The following PPP3CA variants were observed in gnomAD, a reference collection of about 807,000 sequenced individuals.
PPP3CA encodes the protein CAM-PRP catalytic subunit.
In PPP3CA, 14 loss-of-function variants were observed where a neutral mutation model predicts 66.5. The ratio of observed to expected loss-of-function variants is 0.21; its 90% CI spans 0.14 to 0.33. The LOEUF (loss-of-function observed/expected upper bound fraction) is 0.33, where lower values mean the gene tolerates loss of function less well. Ranked by LOEUF, PPP3CA falls within the 10% of genes least tolerant of loss-of-function variation. The pLI is 1.00. For missense variants in PPP3CA, 317 were observed against 639.5 expected (o/e 0.50, Z 5.44); for synonymous variants, 232 against 226.2 (o/e 1.03, Z -0.23).
intron 2 of PPP3CA, among the ~76,000 whole-genome samples, chr4:101,126,157 A>G (rs758270358): frequency 2.0e-5 from 3 of 152,244 alleles, no homozygotes; most frequent in Non-Finnish European, 4.4e-5. Flanking sequence ...TTACAATGTA[A>G]AAATTGTGAA....
rs184623525 is a variant in PPP3CA, at chr4:101,235,870, C to T, written c.59-39754G>A. Among the ~76,000 whole-genome samples, 29 of 151,800 alleles carry T rather than the reference C, an allele frequency of 1.9e-4. No individual in the cohort carries two copies. In the East Asian group the frequency reaches 5.7e-3, roughly 30 times the overall value. ...CTGTATAAGGGCCCATATGACTTTCCAATAAAATGAACAATTCTTTCTGTA... is the reference window on the plus strand; with the variant it reads ...CTGTATAAGGGCCCATATGACTTTCTAATAAAATGAACAATTCTTTCTGTA... On this transcript the variant is annotated intron_variant, in intron 1 of 13. Transcript: ENST00000394854.
At chr4:101,232,536 T>C (rs905976746) in intron 1 of PPP3CA, among the ~76,000 whole-genome samples, 1 of 151,800 alleles carries the variant, frequency 6.6e-6, no homozygotes, top group Non-Finnish European at 1.5e-5. Flanking sequence ...TGGAAGGCCT[T>C]GAACCTGACC....
intron 1 of PPP3CA, among the ~76,000 whole-genome samples, chr4:101,215,889 T>C (rs1471568246): frequency 1.3e-5 from 2 of 152,104 alleles, no homozygotes; most frequent in Non-Finnish European, 1.5e-5. Context: ...TTAGAAACAA[T>C]GTGATCAGTT....
chr4:101,141,798 GT>G (rs1161631642), intron 2 of PPP3CA, among the ~76,000 whole-genome samples: 1 of 152,150 alleles, frequency 6.6e-6, no homozygotes, highest in Non-Finnish European at 1.5e-5. Flanking sequence ...AACGGAGACT[GT>G]TCACTCCTGC....
Position 101,094,015 on chromosome 4 carries a change from C to T in PPP3CA, c.643-100G>A, listed in dbSNP as rs1578440117. On this transcript the variant is annotated intron_variant, in intron 5 of 13. Transcript: ENST00000394854. ...CACTGTGCAGAACCCATCCTCTTCTCCCCAGCTACAGCTCAGGGTGAAATG... is the reference window on the plus strand; with the variant it reads ...CACTGTGCAGAACCCATCCTCTTCTTCCCAGCTACAGCTCAGGGTGAAATG... 3 of 1,107,432 alleles carry T rather than the reference C, an allele frequency of 2.7e-6. No homozygotes were observed. The East Asian group carries it at 8.4e-5, about 31-fold the overall frequency. The allele number at this position is 1,107,432 out of a possible 1,614,324, so 68.6% of individuals were successfully genotyped here.
chr4:101,278,839 GC>G (rs1727593672), intron 1 of PPP3CA, among the ~76,000 whole-genome samples: 1 of 151,922 alleles, frequency 6.6e-6, no homozygotes, highest in Non-Finnish European at 1.5e-5. Context: ...TGGACATCTG[GC>G]CCCCTTTGTG....
At chr4:101,213,769 G>A (rs919484246) in intron 1 of PPP3CA, among the ~76,000 whole-genome samples, 2 of 152,048 alleles carry the variant, frequency 1.3e-5, no homozygotes, top group African/African-American at 2.4e-5. Context: ...GCAGAGCCAC[G>A]ACATAATCCG....
At chr4:101,144,066 A>C (rs1249673745) in intron 2 of PPP3CA, among the ~76,000 whole-genome samples, 1 of 152,100 alleles carries the variant, frequency 6.6e-6, no homozygotes, top group Non-Finnish European at 1.5e-5. Flanking sequence ...TATTTATTAA[A>C]ATCCTATCAT....
At chr4:101,171,709 A>G (rs2110315820) in intron 2 of PPP3CA, among the ~76,000 whole-genome samples, 1 of 152,276 alleles carries the variant, frequency 6.6e-6, no homozygotes, top group East Asian at 1.9e-4. Context: ...TATTCTCACC[A>G]TTCATTAATT....
intron 10 of PPP3CA, among the ~76,000 whole-genome samples, chr4:101,054,524 C>T (rs1299940374): frequency 6.6e-6 from 1 of 151,872 alleles, no homozygotes; most frequent in African/African-American, 2.4e-5. Context: ...CAAATAAATA[C>T]AGTTTTGGTA....
At chr4:101,242,797 A>T (rs1726354347) in intron 1 of PPP3CA, among the ~76,000 whole-genome samples, 1 of 152,140 alleles carries the variant, frequency 6.6e-6, no homozygotes, top group Non-Finnish European at 1.5e-5. Flanking sequence ...GCATGGTGGC[A>T]TATGCCTATA....
intron 1 of PPP3CA, among the ~76,000 whole-genome samples, chr4:101,323,970 AG>A (rs1389164215): frequency 6.6e-6 from 1 of 152,070 alleles, no homozygotes; most frequent in African/African-American, 2.4e-5. Flanking sequence ...AAAATTAGCC[AG>A]GAGTGGTGGC....
In PPP3CA at chr4:101,224,280, A is replaced by G. The variant is rs188774137; in HGVS notation, c.59-28164T>C. On this transcript the variant is annotated intron_variant, in intron 1 of 13. Transcript: ENST00000394854. The stretch of plus-strand genomic sequence containing the variant: ...CAGCTGGATTTTTTAAAGGATTCCT[A>G]AGCATCTTGGTTTTGAGATGCTTTT... Among the ~76,000 whole-genome samples, 229 of 151,854 alleles carry G rather than the reference A, an allele frequency of 1.5e-3. 2 individuals are homozygous for G. Among genetic ancestry groups the G allele is most frequent in the Admixed American group, 0.012 (190 of 15,206 alleles).
intron 2 of PPP3CA, among the ~76,000 whole-genome samples, chr4:101,127,372 G>C (rs1722277022): frequency 1.3e-5 from 2 of 152,032 alleles, no homozygotes; most frequent in African/African-American, 2.4e-5. Flanking sequence ...ATGTAATCAG[G>C]TCACGCTTGA....
intron 1 of PPP3CA, among the ~76,000 whole-genome samples, chr4:101,333,893 C>T (rs1729536837): frequency 6.6e-6 from 1 of 152,114 alleles, no homozygotes; most frequent in African/African-American, 2.4e-5. Flanking sequence ...CTTTTGCTTC[C>T]CACACTGGAC....
intron 2 of PPP3CA, among the ~76,000 whole-genome samples, chr4:101,140,482 T>C (rs1439453903): frequency 6.6e-6 from 1 of 152,204 alleles, no homozygotes; most frequent in Non-Finnish European, 1.5e-5. Context: ...AGATTAGTCA[T>C]GCAATATTAG....
intron 12 of PPP3CA, among the ~76,000 whole-genome samples, chr4:101,030,174 C>T (rs996571437): frequency 5.9e-5 from 9 of 152,022 alleles, no homozygotes; most frequent in Non-Finnish European, 8.8e-5. Flanking sequence ...TTTATACTTC[C>T]CTAATGAAAT....
chr4:101,267,549 G>A (rs895755082), intron 1 of PPP3CA, among the ~76,000 whole-genome samples: 22 of 152,122 alleles, frequency 1.4e-4, no homozygotes, highest in African/African-American at 4.6e-4. Context: ...TAATGGAAGT[G>A]CATGAAGCCC....
intron 1 of PPP3CA, among the ~76,000 whole-genome samples, chr4:101,213,337 G>A (rs1439681587): frequency 6.6e-6 from 1 of 152,044 alleles, no homozygotes; most frequent in Non-Finnish European, 1.5e-5. Flanking sequence ...TGCACACAGT[G>A]TTTTCTTAAT....
Sources: allele counts gnomAD v4.1 joint callset (sites outside exome capture counted in the v4.1 genomes callset), GRCh38; gene constraint gnomAD v4.1.1; transcripts MANE v1.5; gene names NCBI Gene and HGNC (gene_info 2026-07-23, HGNC 2026-07-21).